The following WASHC2C variants were observed in gnomAD, a reference collection of about 807,000 sequenced individuals.
WASHC2C encodes Vaccinia Penetration Factor.
In WASHC2C, 73 loss-of-function variants were observed where a neutral mutation model predicts 142.2. That is an observed-to-expected ratio of 0.51 (90% CI 0.43 to 0.62). The LOEUF is 0.62. Ranked by LOEUF, WASHC2C falls within the 20% of genes least tolerant of loss-of-function variation. The pLI is 0.00. For synonymous variants in WASHC2C, 337 were observed against 565.5 expected, an observed-to-expected ratio of 0.60 and a Z score of 5.73; for missense variants, 969 against 1,531.7, an observed-to-expected ratio of 0.63 and a Z score of 6.13.
At chr10:45,731,715 TAATACTGAGA>T (rs1178155172) in intron 3 of WASHC2C, among the ~76,000 whole-genome samples, 1 of 151,850 alleles carries the variant, frequency 6.6e-6, no homozygotes, top group Non-Finnish European at 1.5e-5. Context: ...CAAAGCATGA[TAATACTGAGA>T]AAACAGCTAA....
In WASHC2C at chr10:45,757,038, T is replaced by C. The variant is rs2054392265; in HGVS notation, c.1447T>C (p.Phe483Leu). ...TRKVQSTADI[F>L]GDEEGDLFKE... Reference sequence around the variant, plus strand: ...CAAAGTCCAATCCACTGCCGATATCTTTGGTGACGAAGAAGGAGATCTGTT... The same window carrying C: ...CAAAGTCCAATCCACTGCCGATATCCTTGGTGACGAAGAAGGAGATCTGTT... Residue 483 changes from phenylalanine (F) to leucine (L), a missense_variant, in exon 16 of 31, where the codon TTT (phenylalanine) becomes CTT (leucine). Coordinates refer to ENST00000623400, the MANE Select transcript of WASHC2C (RefSeq NM_001330074.2). The C allele has an allele frequency of 6.2e-7, 1 of 1,603,266 alleles. No homozygotes were observed. The highest frequency in any genetic ancestry group is 1.4e-5 in the African/African-American group (1 of 73,682).
intron 3 of WASHC2C, among the ~76,000 whole-genome samples, chr10:45,731,818 G>T (rs1161585938): frequency 8.6e-6 from 1 of 116,928 alleles, no homozygotes; most frequent in Non-Finnish European, 1.7e-5. Flanking sequence ...TTTTTGAGAC[G>T]GAGTCTCACT....
intron 17 of WASHC2C, among the ~76,000 whole-genome samples, chr10:45,760,840 T>C (rs2054971465): frequency 6.7e-6 from 1 of 149,704 alleles, no homozygotes; most frequent in Admixed American, 6.7e-5. Flanking sequence ...ATTCATTGTC[T>C]CTACTTCCCA....
In WASHC2C at chr10:45,769,546, C is replaced by G; in HGVS notation, c.1967C>G (p.Ala656Gly). The G allele has an allele frequency of 6.2e-7, 1 of 1,611,662 alleles. No individual in the cohort carries two copies. Among genetic ancestry groups the G allele is most frequent in the Non-Finnish European group, 8.5e-7 (1 of 1,179,790 alleles). ...TCTGGGACCCTCCAGAGCCAGGAGG[C>G]CAAGGCTGTGAAAAAGACCAGTCTC... ...RDSGTLQSQE[A>G]KAVKKTSLFE... The change falls in exon 20 of 31, where the codon GCC becomes GGC. Residue 656 changes from alanine to glycine, a missense_variant. Physicochemically the swap from Ala to Gly is moderately conservative, Grantham distance 60. Coordinates refer to ENST00000623400, the MANE Select transcript of WASHC2C (RefSeq NM_001330074.2).
rs1554861066 is a variant in WASHC2C, at chr10:45,728,899, T to A, written c.164T>A (p.Ile55Asn). 1 of 1,613,594 alleles carries A rather than the reference T, an allele frequency of 6.2e-7. No individual in the cohort carries two copies. The highest frequency in any genetic ancestry group is 8.5e-7 in the Non-Finnish European group (1 of 1,179,788). The change falls in exon 3 of 31, where the codon ATC becomes AAC. Residue 55 changes from isoleucine to asparagine, a missense_variant. Ile to Asn is a moderately radical substitution (Grantham distance 149). Transcript: ENST00000623400. ...QFLQEFSQQT[I>N]SRTHEIKKQV... is the part of the protein sequence containing the mutation. Reference sequence around the variant, plus strand: ...CTACAGGAATTCTCACAGCAAACTATCTCTAGGACCCATGAAATCAAGAAA... The same window carrying A: ...CTACAGGAATTCTCACAGCAAACTAACTCTAGGACCCATGAAATCAAGAAA...
intron 23 of WASHC2C, among the ~76,000 whole-genome samples, chr10:45,784,267 T>TATATATATATATATATATACACACAC (rs2057783500): frequency 1.8e-4 from 1 of 5,654 alleles, no homozygotes; most frequent in Non-Finnish European, 5.3e-4. Context: ...TATATATATA[T>TATATATATATATATATATACACACAC]ATATATATAT....
intron 3 of WASHC2C, among the ~76,000 whole-genome samples, chr10:45,732,889 G>T (rs1372229388): frequency 1.3e-5 from 2 of 152,292 alleles, no homozygotes; most frequent in African/African-American, 2.4e-5. Context: ...AGAGAAGGAG[G>T]TAAAGCCCAA....
In WASHC2C at chr10:45,749,836, A is replaced by AAAATATAT. The variant is rs1227809519; in HGVS notation, c.733-259_733-258insAATATATA. Reference sequence around the variant, plus strand: ...GCAAGACTCCATCTCAAAAAAAAAAAATATATATATATATATATATTTATA... The same window carrying AAAATATAT: ...GCAAGACTCCATCTCAAAAAAAAAAAAAATATATATATATATATATATATATATTTATA... On this transcript the variant is annotated intron_variant, in intron 8 of 30. Coordinates refer to ENST00000623400, the MANE Select transcript of WASHC2C (RefSeq NM_001330074.2). Among the ~76,000 whole-genome samples, 29 of 101,762 alleles carry AAAATATAT rather than the reference A, an allele frequency of 2.8e-4. 1 individual carries two copies. Among genetic ancestry groups the AAAATATAT allele is most frequent in the African/African-American group, 1.3e-3 (29 of 22,980 alleles). The allele number at this position is 101,762 out of a possible 152,430, so 66.8% of individuals were successfully genotyped here. A position where few individuals can be genotyped will look rare whatever the true frequency, so the allele number is the denominator to read the frequency against.
intron 16 of WASHC2C, among the ~76,000 whole-genome samples, chr10:45,757,630 T>C (rs2054470127): frequency 6.6e-6 from 1 of 152,078 alleles, no homozygotes; most frequent in Admixed American, 6.6e-5. Context: ...GAATACAGAT[T>C]TAAAATTATC....
At position 45,738,063 on chromosome 10, in the gene WASHC2C, C is replaced by T. The variant is rs782391273; in HGVS notation, c.354+18C>T. 7.8e-5 allele frequency: 126 copies of T among 1,611,708 alleles called. No homozygotes were observed. The highest frequency in any genetic ancestry group is 1.0e-4 in the Non-Finnish European group (121 of 1,179,862). ...CAGAGCAGGTACTTGTATAAAATCA[C>T]TCTTAGCTGAGTTTCTGACTTTGAA... On this transcript the variant is annotated intron_variant, in intron 4 of 30. Transcript: ENST00000623400.
intron 2 of WASHC2C, 94 bp downstream of exon 2, chr10:45,727,633 C>T (rs1275286031): frequency 3.6e-6 from 5 of 1,375,864 alleles, no homozygotes; most frequent in Non-Finnish European, 4.8e-6. Context: ...GCACCTGGCC[C>T]GTCCCGTTGC....
chr10:45,734,005 G>A (rs2610494), intron 3 of WASHC2C, among the ~76,000 whole-genome samples: 1 of 151,584 alleles, frequency 6.6e-6, no homozygotes, highest in Non-Finnish European at 1.5e-5. Context: ...GGGCGGATCA[G>A]GAGGTCAGGA....
At chr10:45,767,745 AAAAAAAT>A (rs2056060040) in intron 19 of WASHC2C, among the ~76,000 whole-genome samples, 1 of 143,606 alleles carries the variant, frequency 7.0e-6, no homozygotes, top group East Asian at 2.0e-4. Flanking sequence ...CTGACGAACT[AAAAAAAT>A]AAAAAGGTTC....
At chr10:45,792,223 C>T in intron 30 of WASHC2C, 38 bp from the exon 31 acceptor site, 1 of 1,563,060 alleles carries the variant, frequency 6.4e-7, no homozygotes, top group South Asian at 1.1e-5. Context: ...CTTTCTCCAC[C>T]CCTCTTCAGC....
intron 2 of WASHC2C, among the ~76,000 whole-genome samples, chr10:45,728,565 C>T (rs558153991): frequency 5.3e-5 from 8 of 151,502 alleles, no homozygotes; most frequent in African/African-American, 1.7e-4. Context: ...GGTGAAACCC[C>T]GTCTCTACTA....
intron 5 of WASHC2C, among the ~76,000 whole-genome samples, chr10:45,743,034 C>T (rs2052330403): frequency 6.6e-6 from 1 of 151,736 alleles, no homozygotes. Flanking sequence ...GCCACCATGT[C>T]CCGCTAATTT....
chr10:45,752,543 C>G (rs782726810), intron 11 of WASHC2C, 45 bp from the exon 12 acceptor site: 2 of 1,507,028 alleles, frequency 1.3e-6, no homozygotes, highest in Non-Finnish European at 1.8e-6. Flanking sequence ...GAGTTCTGGA[C>G]CCATCTTTAA....
chr10:45,734,405 CT>C (rs1176378551), intron 3 of WASHC2C, among the ~76,000 whole-genome samples: 2 of 150,464 alleles, frequency 1.3e-5, no homozygotes, highest in Non-Finnish European at 3.0e-5. Flanking sequence ...TTGCAGCCTA[CT>C]TTTTTTCTTA....
At chr10:45,750,597 T>TA (rs2053464234) in intron 9 of WASHC2C, among the ~76,000 whole-genome samples, 154 bp from the exon 10 acceptor site, 2 of 148,926 alleles carry the variant, frequency 1.3e-5, no homozygotes, top group African/African-American at 5.0e-5. Context: ...GGGTGAGCTG[T>TA]ATAGGGTACA....
Sources: gnomAD v4.1 joint callset for allele counts (sites outside exome capture counted in the v4.1 genomes callset) on GRCh38, gnomAD v4.1.1 for gene constraint, MANE v1.5 for transcripts, NCBI Gene and HGNC (gene_info 2026-07-23, HGNC 2026-07-21) for gene names.